Variants in PLCL1 observed in about 807,000 individuals in gnomAD.
PLCL1 encodes phospholipase C like 1 (inactive), also known as inactive phospholipase C-like protein 1.
In PLCL1, 41 loss-of-function variants were observed where a neutral mutation model predicts 84.4. The observed-to-expected ratio is 0.49, with a 90% CI of 0.38 to 0.63. The LOEUF is 0.63. PLCL1 is among the 30% of genes least tolerant of loss of function. PLCL1 has a pLI of 0.00. For missense variants in PLCL1, 1,206 were observed against 1,367.8 expected, an observed-to-expected ratio of 0.88 and a Z score of 1.87; for synonymous variants, 490 against 488.3, an observed-to-expected ratio of 1.00 and a Z score of -0.05.
intron 1 of PLCL1, among the ~76,000 whole-genome samples, chr2:197,848,958 C>T (rs560493081): frequency 6.6e-6 from 1 of 152,224 alleles, no homozygotes; most frequent in African/African-American, 2.4e-5. Flanking sequence ...AGCTATATGT[C>T]TTTGGTATTC....
intron 5 of PLCL1, among the ~76,000 whole-genome samples, chr2:198,109,060 A>G (rs1340673218): frequency 6.6e-6 from 1 of 151,786 alleles, no homozygotes; most frequent in Non-Finnish European, 1.5e-5. Flanking sequence ...TTTCTTCTCC[A>G]TGATGTCCTT....
At chr2:197,887,179 A>G (rs994133891) in intron 1 of PLCL1, among the ~76,000 whole-genome samples, 3 of 152,156 alleles carry the variant, frequency 2.0e-5, no homozygotes, top group African/African-American at 7.2e-5. Flanking sequence ...ATCTCCATGT[A>G]TATTTTTCAT....
At chr2:198,112,400 C>T (rs900391689) in intron 5 of PLCL1, among the ~76,000 whole-genome samples, 5 of 151,880 alleles carry the variant, frequency 3.3e-5, no homozygotes, top group African/African-American at 1.2e-4. Context: ...GACAGCTTTG[C>T]TATTCATTGG....
At chr2:197,960,482 A>T (rs1440372996) in intron 1 of PLCL1, among the ~76,000 whole-genome samples, 1 of 152,140 alleles carries the variant, frequency 6.6e-6, no homozygotes. Context: ...TTCATATAGC[A>T]GAGATTGAGA....
chr2:197,909,770 C>T (rs898763273), intron 1 of PLCL1, among the ~76,000 whole-genome samples: 1 of 152,144 alleles, frequency 6.6e-6, no homozygotes, highest in Non-Finnish European at 1.5e-5. Flanking sequence ...ATGCTGTCTG[C>T]CCTTTGATAA....
At chr2:197,886,181 G>GA (rs1687918498) in intron 1 of PLCL1, among the ~76,000 whole-genome samples, 2 of 152,068 alleles carry the variant, frequency 1.3e-5, no homozygotes, top group Non-Finnish European at 2.9e-5. Flanking sequence ...GGAGGCTGAG[G>GA]CGGGCGGATC....
Position 198,085,379 on chromosome 2 carries a change from G to A in PLCL1, c.1862G>A (p.Ser621Asn), listed in dbSNP as rs754076987. 5.0e-6 allele frequency: 8 copies of A among 1,611,660 alleles called. No homozygotes were observed. The East Asian group carries it at 1.8e-4, about 36-fold the overall frequency. ...TGTTCATTTAGTGAAACAGAGGCCA[G>A]CCGCATTGCAAATGAGTACCCAGAG... ...EMCSFSETEASRIANEYPEDF... is the reference protein window; with the variant it reads ...EMCSFSETEANRIANEYPEDF... Residue 621 changes from serine to asparagine, a missense_variant, in exon 2 of 6, where the codon AGC becomes AAC. Physicochemically the swap from Ser to Asn is conservative, Grantham distance 46. Coordinates refer to ENST00000428675, the MANE Select transcript of PLCL1 (RefSeq NM_006226.4). This position sits in a 1 kb window ranked among gnomAD's most constrained non-coding sequence, Gnocchi z 5.3.
chr2:197,943,353 G>GAC (rs573194217), intron 1 of PLCL1, among the ~76,000 whole-genome samples: 182 of 150,480 alleles, frequency 1.2e-3, no homozygotes, highest in East Asian at 4.1e-3. Context: ...ACTTCTATAA[G>GAC]ACACACACAC....
intron 3 of PLCL1, among the ~76,000 whole-genome samples, 176 bp from the exon 4 acceptor site, chr2:198,101,109 G>T (rs961630959): frequency 1.3e-5 from 2 of 152,172 alleles, no homozygotes; most frequent in Admixed American, 1.3e-4. Context: ...ACTAGCCTCA[G>T]TGTTAGGATG....
intron 1 of PLCL1, among the ~76,000 whole-genome samples, chr2:197,980,868 G>A (rs1325770893): frequency 6.6e-6 from 1 of 152,124 alleles, no homozygotes; most frequent in Admixed American, 6.5e-5. Context: ...TAATATGGTG[G>A]CAAATGGTCA....
At chr2:197,816,439 T>G (rs1179005279) in intron 1 of PLCL1, among the ~76,000 whole-genome samples, 1 of 152,170 alleles carries the variant, frequency 6.6e-6, no homozygotes, top group Non-Finnish European at 1.5e-5. Context: ...TTGTGTGACT[T>G]GCTTTATTGC....
chr2:198,061,073 T>G (rs1040534882), intron 1 of PLCL1, among the ~76,000 whole-genome samples: 3 of 152,180 alleles, frequency 2.0e-5, no homozygotes, highest in African/African-American at 7.2e-5. Flanking sequence ...CCCAGCCAAG[T>G]GTAATGATTA....
intron 1 of PLCL1, among the ~76,000 whole-genome samples, chr2:198,076,986 A>G (rs1476679259): frequency 6.6e-6 from 1 of 152,220 alleles, no homozygotes; most frequent in African/African-American, 2.4e-5. Context: ...TGTATGCATC[A>G]GAACTGAATT....
chr2:198,036,481 A>C (rs1284545324), intron 1 of PLCL1, among the ~76,000 whole-genome samples: 1 of 152,232 alleles, frequency 6.6e-6, no homozygotes, highest in East Asian at 1.9e-4. Flanking sequence ...AATCTGGATA[A>C]GTTAGAGGGA....
At chr2:198,076,950 A>G (rs1396690256) in intron 1 of PLCL1, among the ~76,000 whole-genome samples, 1 of 152,182 alleles carries the variant, frequency 6.6e-6, no homozygotes, top group Non-Finnish European at 1.5e-5. Context: ...TGTGATTTTG[A>G]GCATAGGCCC....
intron 5 of PLCL1, among the ~76,000 whole-genome samples, chr2:198,122,984 G>A (rs1693903535): frequency 1.3e-5 from 2 of 152,186 alleles, no homozygotes; most frequent in South Asian, 4.1e-4. Context: ...TGCCATGATT[G>A]AAACCCAGGC....
At chr2:198,044,265 G>A (rs1691736376) in intron 1 of PLCL1, among the ~76,000 whole-genome samples, 1 of 152,062 alleles carries the variant, frequency 6.6e-6, no homozygotes, top group Admixed American at 6.6e-5. Flanking sequence ...TCAACCTTGG[G>A]TTTCTACAGT....
intron 1 of PLCL1, among the ~76,000 whole-genome samples, chr2:197,816,129 T>G (rs1183981080): frequency 1.3e-5 from 2 of 152,072 alleles, no homozygotes; most frequent in Non-Finnish European, 2.9e-5. Context: ...TGTGGCAAAC[T>G]TCACTTTTAT....
chr2:197,871,436 A>C (rs1687650545), intron 1 of PLCL1, among the ~76,000 whole-genome samples: 1 of 152,122 alleles, frequency 6.6e-6, no homozygotes, highest in East Asian at 1.9e-4. Context: ...GGTAAAATGC[A>C]GATTCCAGAC....
Sources: gnomAD v4.1 joint callset for allele counts (sites outside exome capture counted in the v4.1 genomes callset) on GRCh38, gnomAD v4.1.1 for gene constraint, Gnocchi (gnomAD v3.1) non-coding constraint, MANE v1.5 for transcripts, NCBI Gene and HGNC (gene_info 2026-07-23, HGNC 2026-07-21) for gene names.